The following WWOX variants were observed in gnomAD, a reference collection of about 807,000 sequenced individuals.
WWOX encodes the protein WW domain containing oxidoreductase.
WWOX carries 69 observed loss-of-function variants against 46.2 expected under a neutral mutation model. That is an observed-to-expected ratio of 1.49 (90% CI 1.23 to 1.82). WWOX has a LOEUF of 1.82. Ranked by LOEUF, WWOX falls within the 40% of genes most tolerant of loss-of-function variation. The pLI is 0.00. For missense variants in WWOX, 919 were observed against 542.6 expected (o/e 1.69, Z -6.89); for synonymous variants, 359 against 202.6 (o/e 1.77, Z -6.56).
intron 8 of WWOX, among the ~76,000 whole-genome samples, chr16:78,905,207 A>T (rs914165440): frequency 2.0e-5 from 3 of 152,172 alleles, no homozygotes; most frequent in African/African-American, 7.2e-5. Context: ...TTGATGGCCA[A>T]TCTCAGGAGA....
At chr16:78,864,639 T>A (rs1414106164) in intron 8 of WWOX, among the ~76,000 whole-genome samples, 3 of 151,712 alleles carry the variant, frequency 2.0e-5, no homozygotes, top group Non-Finnish European at 2.9e-5. Flanking sequence ...TCTGTTGAGG[T>A]CCCATTGGGC....
chr16:78,414,317 A>T (rs192996704), intron 6 of WWOX, among the ~76,000 whole-genome samples: 158 of 152,288 alleles, frequency 1.0e-3, no homozygotes, highest in Admixed American at 4.6e-3. Context: ...TGGTCTCTTC[A>T]CATGGACACG....
chr16:79,083,476 A>G (rs1180752062), intron 8 of WWOX, among the ~76,000 whole-genome samples: 2 of 152,202 alleles, frequency 1.3e-5, no homozygotes, highest in Non-Finnish European at 2.9e-5. Flanking sequence ...TTTTGGAGGT[A>G]TCGGCTGTTG....
At chr16:79,020,317 G>A (rs974497230) in intron 8 of WWOX, among the ~76,000 whole-genome samples, 1 of 152,164 alleles carries the variant, frequency 6.6e-6, no homozygotes, top group Non-Finnish European at 1.5e-5. Context: ...TTTTTAAGGG[G>A]TTTTGTGATC....
chr16:79,182,231 G>A (rs559933320), intron 8 of WWOX, among the ~76,000 whole-genome samples: 1 of 151,876 alleles, frequency 6.6e-6, no homozygotes, highest in Non-Finnish European at 1.5e-5. Context: ...ATTAGCATCT[G>A]GGGCTGTACA....
chr16:79,184,291 C>T (rs1018764427), intron 8 of WWOX, among the ~76,000 whole-genome samples: 3 of 152,154 alleles, frequency 2.0e-5, no homozygotes, highest in African/African-American at 7.2e-5. Context: ...TTTCTTTGCA[C>T]AAAGAGCCTA....
intron 8 of WWOX, among the ~76,000 whole-genome samples, chr16:78,884,898 A>G (rs1028366363): frequency 5.3e-5 from 8 of 152,224 alleles, no homozygotes; most frequent in African/African-American, 1.4e-4. Flanking sequence ...ATAAAGCACA[A>G]TCAATGCATT....
At chr16:78,722,925 C>G (rs577873808) in intron 8 of WWOX, among the ~76,000 whole-genome samples, 33 of 151,984 alleles carry the variant, frequency 2.2e-4, no homozygotes, top group Non-Finnish European at 1.3e-4. Flanking sequence ...GCCTGTAGCC[C>G]CACCTACTTG....
At chr16:78,511,819 T>C (rs532585980) in intron 8 of WWOX, among the ~76,000 whole-genome samples, 6 of 152,346 alleles carry the variant, frequency 3.9e-5, no homozygotes, top group Admixed American at 3.3e-4. Context: ...GGATGGCTTT[T>C]GTCAGAAGGG....
chr16:78,824,661 C>A (rs776236546), intron 8 of WWOX, among the ~76,000 whole-genome samples: 1 of 152,066 alleles, frequency 6.6e-6, no homozygotes, highest in Non-Finnish European at 1.5e-5. Flanking sequence ...GAGGAAGAAG[C>A]GCACGTGAGA....
chr16:78,620,059 G>T (rs759266182), intron 8 of WWOX, among the ~76,000 whole-genome samples: 1 of 152,292 alleles, frequency 6.6e-6, no homozygotes, highest in African/African-American at 2.4e-5. Flanking sequence ...CCAAATGGAA[G>T]ATCATCTCTA....
chr16:78,570,254 A>T (rs1267269665), intron 8 of WWOX, among the ~76,000 whole-genome samples: 2 of 152,150 alleles, frequency 1.3e-5, no homozygotes, highest in Non-Finnish European at 2.9e-5. Flanking sequence ...TTATTAATAT[A>T]AAAACTTGCG....
intron 8 of WWOX, among the ~76,000 whole-genome samples, chr16:79,161,770 T>C (rs2050491923): frequency 1.3e-5 from 2 of 152,200 alleles, no homozygotes; most frequent in Non-Finnish European, 2.9e-5. Context: ...CCACCCGCCT[T>C]GGCCTGCCAA....
intron 8 of WWOX, among the ~76,000 whole-genome samples, chr16:78,642,341 C>G (rs188191371): frequency 4.5e-4 from 69 of 152,300 alleles, no homozygotes; most frequent in African/African-American, 1.6e-3. Context: ...CCCAGGGCTT[C>G]TGTCTCCAGA....
At position 78,320,160 on chromosome 16, in the gene WWOX, C is replaced by G. The variant is rs570712424; in HGVS notation, c.517-66700C>G. Among the ~76,000 whole-genome samples the G allele has an allele frequency of 2.0e-5, 3 of 152,274 alleles. No homozygotes were observed. The South Asian group carries it at 6.2e-4, about 32-fold the overall frequency. Reference sequence around the variant, plus strand: ...TCAGCTTCATGTACGTGACTGTATACAGAGTCTGAGCCGAGAAAACCTTCC... The same window carrying G: ...TCAGCTTCATGTACGTGACTGTATAGAGAGTCTGAGCCGAGAAAACCTTCC... On this transcript the variant is annotated intron_variant, in intron 5 of 8. Transcript: ENST00000566780.
At chr16:78,800,940 G>T (rs1266272382) in intron 8 of WWOX, among the ~76,000 whole-genome samples, 1 of 94,858 alleles carries the variant, frequency 1.1e-5, no homozygotes, top group Non-Finnish European at 2.5e-5. Flanking sequence ...TCAAATGGAA[G>T]TTTCGAAAAA....
chr16:79,134,485 T>C (rs2049944479), intron 8 of WWOX, among the ~76,000 whole-genome samples: 1 of 152,154 alleles, frequency 6.6e-6, no homozygotes, highest in African/African-American at 2.4e-5. Context: ...GTCGAGGTCA[T>C]TGTGCCTGCG....
chr16:78,832,327 G>C (rs1012969858), intron 8 of WWOX, among the ~76,000 whole-genome samples: 9 of 152,308 alleles, frequency 5.9e-5, no homozygotes, highest in Non-Finnish European at 1.5e-5. Flanking sequence ...TGATCTCAGA[G>C]AGAGTGTGAG....
chr16:78,814,359 A>T (rs926452282), intron 8 of WWOX, among the ~76,000 whole-genome samples: 4 of 152,196 alleles, frequency 2.6e-5, no homozygotes, highest in African/African-American at 7.2e-5. Flanking sequence ...TTTCTATATT[A>T]ATTCAAATCA....
Sources: gnomAD v4.1 joint callset for allele counts (sites outside exome capture counted in the v4.1 genomes callset) on GRCh38, gnomAD v4.1.1 for gene constraint, MANE v1.5 for transcripts, NCBI Gene and HGNC (gene_info 2026-07-23, HGNC 2026-07-21) for gene names.